Variants in ARHGEF28 observed in about 807,000 individuals in gnomAD.
ARHGEF28 encodes 190 kDa guanine nucleotide exchange factor.
In ARHGEF28, 152 loss-of-function variants were observed where a neutral mutation model predicts 206.6. The ratio of observed to expected loss-of-function variants is 0.74; its 90% confidence interval spans 0.64 to 0.84. ARHGEF28 has a LOEUF of 0.84. ARHGEF28 is among the 40% of genes least tolerant of loss of function. The pLI is 0.00. For synonymous variants in ARHGEF28, 763 were observed against 776.4 expected (o/e 0.98, Z 0.29); for missense variants, 2,028 against 2,073.2 (o/e 0.98, Z 0.42).
intron 8 of ARHGEF28, 92 bp from the exon 9 acceptor site, chr5:73,795,239 T>C: frequency 8.7e-7 from 1 of 1,155,382 alleles, no homozygotes; most frequent in Non-Finnish European, 1.3e-6. Context: ...TCATTGATGC[T>C]TTCCAAGGTT....
chr5:73,634,078 T>G (rs936684442), intron 1 of ARHGEF28, among the ~76,000 whole-genome samples: 1 of 152,196 alleles, frequency 6.6e-6, no homozygotes, highest in Non-Finnish European at 1.5e-5. Context: ...CCTAGTCTTT[T>G]AGAGTGTTTA....
intron 9 of ARHGEF28, among the ~76,000 whole-genome samples, chr5:73,815,857 GC>G: frequency 6.6e-6 from 1 of 152,312 alleles, no homozygotes; most frequent in Admixed American, 6.5e-5. Flanking sequence ...TTAACTATTT[GC>G]CACTGATAAA....
chr5:73,900,008 G>A (rs1212019751), intron 30 of ARHGEF28: 1 of 152,210 alleles, frequency 6.6e-6, no homozygotes, highest in Non-Finnish European at 1.5e-5. Flanking sequence ...GCACCCAATA[G>A]TAGAACCATT....
intron 22 of ARHGEF28, among the ~76,000 whole-genome samples, chr5:73,879,872 A>G (rs979362966): frequency 6.6e-6 from 1 of 152,206 alleles, no homozygotes; most frequent in Non-Finnish European, 1.5e-5. Context: ...CTCGGGGGTC[A>G]GGGGTCAGGG....
In ARHGEF28 at chr5:73,715,952, C is replaced by G. The variant is rs146258221; in HGVS notation, c.33+31068C>G. Among the ~76,000 whole-genome samples, 33 of 152,330 alleles carry G rather than the reference C, an allele frequency of 2.2e-4. No individual in the cohort carries two copies. The East Asian group carries it at 6.0e-3, about 28-fold the overall frequency. The stretch of plus-strand genomic sequence containing the variant: ...CTTCACGCACTTACACGGGTATCAG[C>G]TACTGTCGTTCAGTTCAGCAGTTGC... On this transcript the variant is annotated intron_variant, in intron 2 of 35. Coordinates refer to ENST00000513042, the MANE Select transcript of ARHGEF28 (RefSeq NM_001177693.2).
At chr5:73,923,487 G>T (rs1261153957) in intron 35 of ARHGEF28, among the ~76,000 whole-genome samples, 1 of 145,240 alleles carries the variant, frequency 6.9e-6, no homozygotes, top group African/African-American at 2.7e-5. Flanking sequence ...ACTACAGAGG[G>T]TTTTTTTCAA....
chr5:73,911,241 AATT>A, intron 34 of ARHGEF28, 31 bp from the exon 35 acceptor site: 1 of 1,511,084 alleles, frequency 6.6e-7, no homozygotes. Flanking sequence ...AAGTTAGAAA[AATT>A]ATTGTACTTT....
At chr5:73,639,038 G>A (rs1743899768) in intron 1 of ARHGEF28, among the ~76,000 whole-genome samples, 1 of 152,042 alleles carries the variant, frequency 6.6e-6, no homozygotes, top group Non-Finnish European at 1.5e-5. Context: ...AAGAGAGAAT[G>A]AGCAGCTGTT....
chr5:73,846,163 A>T, intron 11 of ARHGEF28, 105 bp from the exon 12 acceptor site: 26 of 952,792 alleles, frequency 2.7e-5, no homozygotes, highest in Middle Eastern at 3.4e-4. Context: ...TACCTATTGC[A>T]CCCCCCCCGC....
At chr5:73,666,499 G>C (rs1017105099) in intron 1 of ARHGEF28, among the ~76,000 whole-genome samples, 10 of 152,170 alleles carry the variant, frequency 6.6e-5, no homozygotes, top group Non-Finnish European at 1.5e-4. Context: ...TTGGTCCCCA[G>C]GCTGTCCCAC....
At chr5:73,827,387 T>C (rs1470716417) in intron 9 of ARHGEF28, among the ~76,000 whole-genome samples, 1 of 152,232 alleles carries the variant, frequency 6.6e-6, no homozygotes, top group Non-Finnish European at 1.5e-5. Context: ...TGCAACCTCA[T>C]TTACTTTTTA....
At chr5:73,704,097 A>G (rs1454525805) in intron 2 of ARHGEF28, among the ~76,000 whole-genome samples, 1 of 151,986 alleles carries the variant, frequency 6.6e-6, no homozygotes, top group Admixed American at 6.6e-5. Context: ...GGGAAATGGC[A>G]TTTAGGACAT....
intron 9 of ARHGEF28, among the ~76,000 whole-genome samples, chr5:73,808,190 G>C (rs1044887599): frequency 2.0e-5 from 3 of 151,904 alleles, no homozygotes; most frequent in African/African-American, 7.3e-5. Flanking sequence ...CCATGCTCCC[G>C]ATTCATGTCT....
At chr5:73,637,727 T>C (rs1165893117) in intron 1 of ARHGEF28, among the ~76,000 whole-genome samples, 1 of 152,190 alleles carries the variant, frequency 6.6e-6, no homozygotes, top group Non-Finnish European at 1.5e-5. Flanking sequence ...GGCAGACATA[T>C]GCTGCATGCT....
At chr5:73,745,866 A>G (rs1158079015) in intron 2 of ARHGEF28, among the ~76,000 whole-genome samples, 2 of 152,150 alleles carry the variant, frequency 1.3e-5, no homozygotes, top group African/African-American at 4.8e-5. Context: ...CATATGTGAA[A>G]CAGAAGAGGG....
At chr5:73,878,316 G>C (rs1760671183) in intron 22 of ARHGEF28, among the ~76,000 whole-genome samples, 1 of 151,030 alleles carries the variant, frequency 6.6e-6, no homozygotes, top group South Asian at 2.1e-4. Flanking sequence ...GCCTATGTGT[G>C]TCTCTGCACG....
intron 9 of ARHGEF28, among the ~76,000 whole-genome samples, chr5:73,826,873 G>A (rs1756946095): frequency 6.6e-6 from 1 of 152,190 alleles, no homozygotes; most frequent in Non-Finnish European, 1.5e-5. Context: ...CCCTTGTGGA[G>A]TCACCTAGAT....
intron 4 of ARHGEF28, among the ~76,000 whole-genome samples, chr5:73,773,510 A>G (rs1351133225): frequency 6.6e-6 from 1 of 152,172 alleles, no homozygotes. Context: ...CATATCAACA[A>G]GTGTCTGTTT....
intron 26 of ARHGEF28, 99 bp downstream of exon 26, chr5:73,887,778 G>C: frequency 1.0e-6 from 1 of 970,592 alleles, no homozygotes; most frequent in Admixed American, 2.8e-5. Context: ...TAGTCACAGG[G>C]AAGTATATGC....
Sources: gnomAD v4.1 joint callset for allele counts (sites outside exome capture counted in the v4.1 genomes callset) on GRCh38, gnomAD v4.1.1 for gene constraint, MANE v1.5 for transcripts, NCBI Gene and HGNC (gene_info 2026-07-23, HGNC 2026-07-21) for gene names.